The following NRXN3 variants were observed in gnomAD, a reference collection of about 807,000 sequenced individuals.
The protein encoded by NRXN3 is neurexin III.
In NRXN3, 32 loss-of-function variants were observed where a neutral mutation model predicts 137.6. That is an observed-to-expected ratio of 0.23 (90% CI 0.18 to 0.31). NRXN3 has a LOEUF of 0.31. NRXN3 is among the 10% of genes least tolerant of loss of function. The pLI is 1.00. For missense variants in NRXN3, 1,574 were observed against 2,062.5 expected (o/e 0.76, Z 4.59); for synonymous variants, 798 against 784.5 (o/e 1.02, Z -0.29).
intron 19 of NRXN3, among the ~76,000 whole-genome samples, chr14:79,728,380 C>T (rs990205262): frequency 4.6e-5 from 7 of 152,272 alleles, no homozygotes; most frequent in Admixed American, 3.9e-4. Flanking sequence ...AGGGACAGTC[C>T]TTCCTGCTCT....
chr14:79,513,710 A>G (rs959812935), intron 16 of NRXN3, among the ~76,000 whole-genome samples: 2 of 152,232 alleles, frequency 1.3e-5, no homozygotes, highest in Non-Finnish European at 2.9e-5. Flanking sequence ...TAATCAGAGC[A>G]AGGATGTGAA....
chr14:79,701,044 T>C (rs1259679941), intron 19 of NRXN3, among the ~76,000 whole-genome samples: 1 of 152,082 alleles, frequency 6.6e-6, no homozygotes, highest in East Asian at 1.9e-4. Flanking sequence ...CTTTATTACC[T>C]ACTTTAGAGT....
Position 78,193,717 on chromosome 14 carries a change from G to A in NRXN3, c.-704+23043G>A, listed in dbSNP as rs1239455032. Among the ~76,000 whole-genome samples the A allele has an allele frequency of 1.6e-4, 24 of 145,770 alleles. No individual in the cohort carries two copies. In the Admixed American group the frequency reaches 1.7e-3, roughly 10 times the overall value. On this transcript the variant is annotated intron_variant, in intron 1 of 20. Coordinates refer to ENST00000335750, the MANE Select transcript of NRXN3 (RefSeq NM_001330195.2). Reference sequence around the variant, plus strand: ...GTGGAAGTTGTAGTGAGCCGAGATTGTGCCACTGCACTCCAGCCTGGGTGA... The same window carrying A: ...GTGGAAGTTGTAGTGAGCCGAGATTATGCCACTGCACTCCAGCCTGGGTGA...
chr14:79,126,875 T>A (rs1278170268), intron 15 of NRXN3, among the ~76,000 whole-genome samples: 1 of 152,170 alleles, frequency 6.6e-6, no homozygotes, highest in African/African-American at 2.4e-5. Context: ...TTGTAACTGG[T>A]GTGAGATGGT....
At chr14:78,573,752 G>A (rs1238737051) in intron 4 of NRXN3, among the ~76,000 whole-genome samples, 2 of 152,202 alleles carry the variant, frequency 1.3e-5, no homozygotes, top group African/African-American at 2.4e-5. Flanking sequence ...TGGGAAATTT[G>A]CAGCCTGACG....
At chr14:78,630,223 C>G (rs1363533528) in intron 4 of NRXN3, among the ~76,000 whole-genome samples, 2 of 152,188 alleles carry the variant, frequency 1.3e-5, no homozygotes, top group Non-Finnish European at 2.9e-5. Context: ...TGACTGACAA[C>G]TCAAAACGAA....
At chr14:79,832,591 G>A (rs1377005714) in intron 20 of NRXN3, among the ~76,000 whole-genome samples, 1 of 151,984 alleles carries the variant, frequency 6.6e-6, no homozygotes, top group Non-Finnish European at 1.5e-5. Context: ...AGAGGTCAGG[G>A]GTGTTGCCAA....
chr14:79,234,919 A>G (rs1450445334), intron 15 of NRXN3, among the ~76,000 whole-genome samples: 1 of 152,166 alleles, frequency 6.6e-6, no homozygotes, highest in Admixed American at 6.6e-5. Flanking sequence ...TAACTAAACA[A>G]GAGTGTTTAT....
At chr14:78,236,254 T>G (rs1270935255) in intron 1 of NRXN3, among the ~76,000 whole-genome samples, 2 of 152,228 alleles carry the variant, frequency 1.3e-5, no homozygotes, top group Non-Finnish European at 2.9e-5. Context: ...CCCCTTTGCC[T>G]TCTTCTAATC....
chr14:78,729,704 G>GCACATGCACA (rs946791543), intron 8 of NRXN3, among the ~76,000 whole-genome samples: 6 of 152,160 alleles, frequency 3.9e-5, no homozygotes, highest in African/African-American at 1.2e-4. Flanking sequence ...ACACACACAT[G>GCACATGCACA]CACATGCACA....
chr14:79,309,775 G>T (rs1391355034), intron 15 of NRXN3, among the ~76,000 whole-genome samples: 2 of 148,866 alleles, frequency 1.3e-5, no homozygotes, highest in East Asian at 4.0e-4. Context: ...TTTTTGATGG[G>T]GTTGTTTGAT....
rs559095499 is a variant in NRXN3 at position 79,107,429 on chromosome 14, C to T, written c.3262+119288C>T. On this transcript the variant is annotated intron_variant, in intron 15 of 20. Coordinates refer to ENST00000335750, the MANE Select transcript of NRXN3 (RefSeq NM_001330195.2). ...AGGCAACTGGCCAGACTGCCAGCAT[C>T]GAAGGCCATAGTAAGCAATTAAGAT... 7.2e-5 allele frequency among the ~76,000 whole-genome samples: 11 copies of T among 152,188 alleles called. No homozygotes were observed. In the East Asian group the frequency reaches 7.7e-4, roughly 11 times the overall value.
chr14:78,741,535 C>G (rs1034926730), intron 8 of NRXN3, among the ~76,000 whole-genome samples: 2 of 152,066 alleles, frequency 1.3e-5, no homozygotes, highest in Non-Finnish European at 2.9e-5. Context: ...GACTGGCATA[C>G]AAAAAGCAGA....
At chr14:79,021,038 G>T (rs1233878850) in intron 15 of NRXN3, among the ~76,000 whole-genome samples, 2 of 152,068 alleles carry the variant, frequency 1.3e-5, no homozygotes, top group African/African-American at 2.4e-5. Flanking sequence ...TTAGATTCAG[G>T]TAATACCACA....
chr14:79,311,585 A>G (rs992941665), intron 15 of NRXN3, among the ~76,000 whole-genome samples: 5 of 121,530 alleles, frequency 4.1e-5, no homozygotes, highest in East Asian at 2.8e-4. Flanking sequence ...TGGTTGGTAA[A>G]CTATTGATTA....
At chr14:79,547,583 A>C (rs1421790332) in intron 16 of NRXN3, among the ~76,000 whole-genome samples, 5 of 152,112 alleles carry the variant, frequency 3.3e-5, no homozygotes, top group Admixed American at 6.6e-5. Flanking sequence ...CTTCTCTCCA[A>C]GGAATTTGGG....
intron 6 of NRXN3, among the ~76,000 whole-genome samples, chr14:78,684,141 A>G (rs969758877): frequency 3.3e-5 from 5 of 152,268 alleles, no homozygotes; most frequent in African/African-American, 7.2e-5. Context: ...TGTATTAACC[A>G]TACTTATCTT....
intron 4 of NRXN3, among the ~76,000 whole-genome samples, chr14:78,348,500 A>C (rs919428111): frequency 6.6e-6 from 1 of 152,194 alleles, no homozygotes; most frequent in African/African-American, 2.4e-5. Flanking sequence ...TGTGGCCTGT[A>C]AGTTTGCTCA....
intron 4 of NRXN3, among the ~76,000 whole-genome samples, chr14:78,497,619 C>CATCCATCT (rs1197992216): frequency 6.7e-6 from 1 of 149,710 alleles, no homozygotes; most frequent in Non-Finnish European, 1.5e-5. Flanking sequence ...TCCATCCATC[C>CATCCATCT]ATCCATCTAT....
Sources: allele counts gnomAD v4.1 joint callset (sites outside exome capture counted in the v4.1 genomes callset), GRCh38; gene constraint gnomAD v4.1.1; transcripts MANE v1.5; gene names NCBI Gene and HGNC (gene_info 2026-07-23, HGNC 2026-07-21).